The following MALRD1 variants were observed in gnomAD, a reference collection of about 807,000 sequenced individuals.
MALRD1 encodes the protein MAM and LDL receptor class A domain containing 1, also known as MAM and LDL-receptor class A domain-containing protein 1.
In MALRD1, 247 loss-of-function variants were observed where a neutral mutation model predicts 242.1. That is an observed-to-expected ratio of 1.02 (90% CI 0.92 to 1.13). MALRD1 has a LOEUF of 1.13. Ranked by LOEUF, MALRD1 falls within the 50% of genes most tolerant of loss-of-function variation. The pLI, the probability that MALRD1 is intolerant of heterozygous loss-of-function variation, is 0.00. For synonymous variants in MALRD1, 995 were observed against 866.6 expected (o/e 1.15, Z -2.60); for missense variants, 2,989 against 2,533.1 (o/e 1.18, Z -3.86).
chr10:19,102,107 GAT>G (rs2131331226), intron 4 of MALRD1, among the ~76,000 whole-genome samples: 1 of 142,608 alleles, frequency 7.0e-6, no homozygotes, highest in South Asian at 2.3e-4. Flanking sequence ...TATCATATAT[GAT>G]ATATGATATA....
chr10:19,629,902 T>C (rs1839831173), intron 36 of MALRD1, among the ~76,000 whole-genome samples: 1 of 152,208 alleles, frequency 6.6e-6, no homozygotes, highest in Non-Finnish European at 1.5e-5. Flanking sequence ...TTTGTGCTGT[T>C]GCTAGGTGGC....
chr10:19,678,739 G>C (rs1842239829), intron 36 of MALRD1, among the ~76,000 whole-genome samples: 1 of 152,124 alleles, frequency 6.6e-6, no homozygotes, highest in Non-Finnish European at 1.5e-5. Context: ...TTTTCAAAGG[G>C]AATGCTTCCA....
At chr10:19,280,973 GC>G (rs1840776118) in intron 20 of MALRD1, among the ~76,000 whole-genome samples, 1 of 152,132 alleles carries the variant, frequency 6.6e-6, no homozygotes, top group African/African-American at 2.4e-5. Flanking sequence ...AATATTAAGG[GC>G]TTAGAACAGA....
In MALRD1 at chr10:19,551,765, T is replaced by C. The variant is rs528877174; in HGVS notation, c.5479-15737T>C. ...TGGCTCTTATTTTGAGGTATATTCC[T>C]TCAATATCTAGTTTATTGAGAGTTT... On this transcript the variant is annotated intron_variant, in intron 32 of 39. Coordinates refer to ENST00000454679, the MANE Select transcript of MALRD1 (RefSeq NM_001142308.3). 5.9e-5 allele frequency among the ~76,000 whole-genome samples: 9 copies of C among 152,278 alleles called. No individual in the cohort carries two copies. In the South Asian group the frequency reaches 1.2e-3, roughly 21 times the overall value.
chr10:19,473,858 A>G (rs1836610178), intron 29 of MALRD1, among the ~76,000 whole-genome samples: 1 of 152,100 alleles, frequency 6.6e-6, no homozygotes, highest in Non-Finnish European at 1.5e-5. Context: ...CAGTTTGATT[A>G]TATGGTAATT....
rs1329808684 is a variant in MALRD1 at position 19,277,692 on chromosome 10, G to T, written c.3080-2355G>T. Among the ~76,000 whole-genome samples the T allele has an allele frequency of 3.3e-5, 5 of 152,084 alleles. No individual in the cohort carries two copies. In the South Asian group the frequency reaches 6.2e-4, roughly 19 times the overall value. On this transcript the variant is annotated intron_variant, in intron 19 of 39. Transcript: ENST00000454679. The stretch of plus-strand genomic sequence containing the variant: ...CAGAAATAGGAAATTTTCTTCTTTA[G>T]CTATATCAATAAAAAGTTGATATTT...
At chr10:19,048,210 CTTATT>C (rs1834387441), upstream of MALRD1, among the ~76,000 whole-genome samples, 1 of 152,162 alleles carries the variant, frequency 6.6e-6, no homozygotes, top group African/African-American at 2.4e-5. Context: ...CTTATACCAA[CTTATT>C]GTATTTTCTC....
chr10:19,167,320 C>G (rs1051599543), intron 13 of MALRD1, among the ~76,000 whole-genome samples: 2 of 152,144 alleles, frequency 1.3e-5, no homozygotes, highest in Non-Finnish European at 2.9e-5. Flanking sequence ...CATGGCGCCA[C>G]TGCACTGCAG....
intron 19 of MALRD1, among the ~76,000 whole-genome samples, chr10:19,270,328 T>A (rs1840158563): frequency 1.1e-5 from 1 of 94,302 alleles, no homozygotes; most frequent in Admixed American, 1.4e-4. Context: ...TCTCTCTCTC[T>A]CTCTCTCTCA....
chr10:19,584,267 C>G, intron 33 of MALRD1, among the ~76,000 whole-genome samples: 1 of 152,100 alleles, frequency 6.6e-6, no homozygotes, highest in Non-Finnish European at 1.5e-5. Context: ...CTTCTGTTAG[C>G]TTTTGAATGT....
At chr10:19,053,756 G>T (rs1159492353) in intron 1 of MALRD1, among the ~76,000 whole-genome samples, 1 of 151,324 alleles carries the variant, frequency 6.6e-6, no homozygotes, top group African/African-American at 2.4e-5. Flanking sequence ...TATTCCACAC[G>T]CAGTCTTTTT....
intron 28 of MALRD1, among the ~76,000 whole-genome samples, chr10:19,428,001 G>A (rs903363271): frequency 4.6e-5 from 7 of 152,166 alleles, no homozygotes; most frequent in East Asian, 1.9e-4. Flanking sequence ...TGAGCTAGAA[G>A]CATCAAGAGC....
rs151094879 is a variant in MALRD1, at chr10:19,224,569, G to A, written c.2991+14889G>A. ...GCCTCCCAAAGTGATGGGATTACAGGCGTGAGCCACCACGCCCAGCCTATG... is the reference window on the plus strand; with the variant it reads ...GCCTCCCAAAGTGATGGGATTACAGACGTGAGCCACCACGCCCAGCCTATG... On this transcript the variant is annotated intron_variant, in intron 18 of 39. Transcript: ENST00000454679. Among the ~76,000 whole-genome samples the A allele has an allele frequency of 3.8e-3, 580 of 152,290 alleles. 2 individuals are homozygous for A. Among genetic ancestry groups the A allele is most frequent in the Non-Finnish European group, 4.7e-3 (322 of 68,020 alleles).
At chr10:19,551,203 T>TTAG (rs1835454485) in intron 32 of MALRD1, among the ~76,000 whole-genome samples, 1 of 152,202 alleles carries the variant, frequency 6.6e-6, no homozygotes, top group East Asian at 1.9e-4. Context: ...ATGCTGGATA[T>TTAG]TAGACCTTTA....
intron 23 of MALRD1, among the ~76,000 whole-genome samples, chr10:19,330,048 A>G (rs1360276388): frequency 2.0e-5 from 3 of 152,162 alleles, no homozygotes; most frequent in Admixed American, 6.6e-5. Context: ...TTGCATATCA[A>G]TATTTTTCCA....
At chr10:19,667,173 G>T (rs541309254) in intron 36 of MALRD1, among the ~76,000 whole-genome samples, 1 of 152,186 alleles carries the variant, frequency 6.6e-6, no homozygotes, top group African/African-American at 2.4e-5. Context: ...ACTTTGGACT[G>T]AGGCCAGGTT....
chr10:19,224,228 A>G (rs1033287002), intron 18 of MALRD1, among the ~76,000 whole-genome samples: 1 of 151,342 alleles, frequency 6.6e-6, no homozygotes, highest in Non-Finnish European at 1.5e-5. Flanking sequence ...TGACTTTTTA[A>G]TGATTGCCAT....
At chr10:19,422,307 G>C (rs1833744622) in intron 28 of MALRD1, among the ~76,000 whole-genome samples, 1 of 152,122 alleles carries the variant, frequency 6.6e-6, no homozygotes, top group Non-Finnish European at 1.5e-5. Context: ...CAATGTATGA[G>C]AAATACATTT....
At chr10:19,178,081 A>G (rs1588658824) in intron 14 of MALRD1, among the ~76,000 whole-genome samples, 1 of 152,134 alleles carries the variant, frequency 6.6e-6, no homozygotes, top group African/African-American at 2.4e-5. Flanking sequence ...GTTTTAAATC[A>G]TTACTAAAGT....
Sources: gnomAD v4.1 joint callset for allele counts (sites outside exome capture counted in the v4.1 genomes callset) on GRCh38, gnomAD v4.1.1 for gene constraint, MANE v1.5 for transcripts, NCBI Gene and HGNC (gene_info 2026-07-23, HGNC 2026-07-21) for gene names.